Variants in SORBS2 observed in about 807,000 individuals in gnomAD.
The protein encoded by SORBS2 is sorbin and SH3 domain-containing protein 2.
Under a neutral mutation model 97.7 loss-of-function variants are expected in SORBS2, and 46 were observed. That is an observed-to-expected ratio of 0.47 (90% confidence interval 0.37 to 0.60). The LOEUF (loss-of-function observed/expected upper bound fraction) is 0.60. Ranked by LOEUF, SORBS2 falls within the 20% of genes least tolerant of loss-of-function variation. SORBS2 has a pLI of 0.00. For missense variants in SORBS2, 1,316 were observed against 1,282.3 expected (o/e 1.03, Z -0.40); for synonymous variants, 476 against 473.4 (o/e 1.01, Z -0.07).
At chr4:185,836,951 G>C (rs899635206) in intron 1 of SORBS2, among the ~76,000 whole-genome samples, 1 of 152,232 alleles carries the variant, frequency 6.6e-6, no homozygotes, top group East Asian at 1.9e-4. Flanking sequence ...AAGCTGCCTC[G>C]AATTCTAAAG....
chr4:185,607,726 G>A lies in SORBS2; in HGVS notation c.2796+4054C>T, dbSNP rs985966317. On this transcript the variant is annotated intron_variant, in intron 12 of 14. Coordinates refer to ENST00000418609, the Ensembl canonical transcript of SORBS2. This position sits in a 1 kb window ranked among gnomAD's most constrained non-coding sequence, Gnocchi z 5.2. ...AAAAATTTTTTAGAGATGGAGTCTC[G>A]CTGTGGCACCCAGGCTGGAGTGCAG... Among the ~76,000 whole-genome samples the A allele has an allele frequency of 6.6e-6, 1 of 151,934 alleles. No homozygotes were observed. Among genetic ancestry groups the A allele is most frequent in the Admixed American group, 6.6e-5 (1 of 15,248 alleles).
intron 14 of SORBS2, 179 bp from the exon 27 acceptor site, chr4:185,587,867 T>A: frequency 9.2e-6 from 5 of 545,180 alleles, no homozygotes; most frequent in African/African-American, 1.9e-5. Context: ...GTTAGCTGGT[T>A]GCCTGACGCT....
At chr4:185,643,661 G>A (rs1463897298) in intron 4 of SORBS2, among the ~76,000 whole-genome samples, 1 of 152,152 alleles carries the variant, frequency 6.6e-6, no homozygotes, top group East Asian at 1.9e-4. Context: ...GTCCACTGCA[G>A]GAGAGGGGAA....
intron 1 of SORBS2, among the ~76,000 whole-genome samples, chr4:185,820,811 G>A (rs907279662): frequency 1.3e-5 from 2 of 152,226 alleles, no homozygotes; most frequent in African/African-American, 4.8e-5. Flanking sequence ...ATAAACTGCA[G>A]GACGGCAGAG....
chr4:185,735,954 C>T (rs2098683395), intron 2 of SORBS2, among the ~76,000 whole-genome samples: 1 of 152,194 alleles, frequency 6.6e-6, no homozygotes, highest in Non-Finnish European at 1.5e-5. Flanking sequence ...TTACAGCAAG[C>T]TCTTTTCCAA....
intron 1 of SORBS2, among the ~76,000 whole-genome samples, chr4:185,938,389 TACACACACACACACACACAC>T (rs34337257): frequency 1.0e-4 from 14 of 136,440 alleles, no homozygotes; most frequent in African/African-American, 3.1e-4. Context: ...TGTAGACACA[TACACACACACACACACACAC>T]ACACACACAC....
intron 2 of SORBS2, among the ~76,000 whole-genome samples, chr4:185,766,852 C>T (rs1252109296): frequency 2.0e-5 from 3 of 152,188 alleles, no homozygotes; most frequent in Admixed American, 6.5e-5. Context: ...ACATGCTGTA[C>T]GTGTGTTTTT....
At chr4:185,723,322 T>C (rs532079318) in intron 2 of SORBS2, among the ~76,000 whole-genome samples, 1 of 152,292 alleles carries the variant, frequency 6.6e-6, no homozygotes, top group African/African-American at 2.4e-5. Context: ...TTAAGAACTT[T>C]GAAAACAGTT....
chr4:185,819,972 GATA>G lies in SORBS2; in HGVS notation c.-337-44609_-337-44607del, dbSNP rs567678893. ...CTTCTGTTTCCTCATAAGAAAGGATGATAATATTATCTAATTCTGAGGGCGGTT... is the reference window on the plus strand; with the variant it reads ...CTTCTGTTTCCTCATAAGAAAGGATGATATTATCTAATTCTGAGGGCGGTT... On this transcript the variant is annotated intron_variant, in intron 1 of 20. Transcript: ENST00000284776. Among the ~76,000 whole-genome samples, 419 of 152,310 alleles carry G rather than the reference GATA, an allele frequency of 2.8e-3. 1 individual carries two copies. The highest frequency in any genetic ancestry group is 8.3e-3 in the African/African-American group (346 of 41,552).
At chr4:185,678,946 G>A (rs527294465) in intron 2 of SORBS2, 124 bp from the exon 6 acceptor site, 2 of 488,650 alleles carry the variant, frequency 4.1e-6, no homozygotes, top group South Asian at 1.1e-4. Context: ...TTAAAATCTG[G>A]GTATGTCAAA....
intron 2 of SORBS2, among the ~76,000 whole-genome samples, chr4:185,703,492 A>C (rs952879854): frequency 1.3e-5 from 2 of 152,222 alleles, no homozygotes; most frequent in Non-Finnish European, 2.9e-5. Context: ...AGGAAAAAAA[A>C]CTAAAAGATC....
At chr4:185,825,708 G>A (rs771765159) in intron 1 of SORBS2, among the ~76,000 whole-genome samples, 2 of 152,120 alleles carry the variant, frequency 1.3e-5, no homozygotes, top group Non-Finnish European at 2.9e-5. Context: ...TGGGAGGGGA[G>A]AAAACATTAT....
chr4:185,647,853 TAGG>T (rs2097239365), intron 3 of SORBS2, among the ~76,000 whole-genome samples: 1 of 152,218 alleles, frequency 6.6e-6, no homozygotes, highest in Admixed American at 6.5e-5. Flanking sequence ...TGGAATTTTT[TAGG>T]AGGTTATCAT....
chr4:185,874,632 C>T (rs2099232308), intron 1 of SORBS2, among the ~76,000 whole-genome samples: 1 of 152,170 alleles, frequency 6.6e-6, no homozygotes, highest in Admixed American at 6.5e-5. Context: ...ACACACATTC[C>T]ATTCTCTACT....
At chr4:185,789,907 T>C (rs145170079) in intron 1 of SORBS2, among the ~76,000 whole-genome samples, 1 of 152,232 alleles carries the variant, frequency 6.6e-6, no homozygotes, top group Non-Finnish European at 1.5e-5. Context: ...AGTTTCTTCC[T>C]ACCTATATAA....
intron 1 of SORBS2, among the ~76,000 whole-genome samples, chr4:185,899,004 T>C (rs1314855255): frequency 6.6e-6 from 1 of 152,092 alleles, no homozygotes; most frequent in Non-Finnish European, 1.5e-5. Context: ...TTTAAGCTCA[T>C]ACTTCAAGCA....
At chr4:185,817,131 C>CAGG (rs1164373914) in intron 1 of SORBS2, among the ~76,000 whole-genome samples, 1 of 151,920 alleles carries the variant, frequency 6.6e-6, no homozygotes, top group African/African-American at 2.4e-5. Context: ...CAGCAGCTTA[C>CAGG]AGGAACTACT....
chr4:185,936,270 G>A (rs1230330804), intron 1 of SORBS2, among the ~76,000 whole-genome samples: 2 of 152,198 alleles, frequency 1.3e-5, no homozygotes, highest in East Asian at 3.8e-4. Flanking sequence ...AAGGCACATG[G>A]TTTATCCTGG....
chr4:185,802,730 T>C (rs2099136514), intron 1 of SORBS2, among the ~76,000 whole-genome samples: 1 of 152,204 alleles, frequency 6.6e-6, no homozygotes, highest in Admixed American at 6.5e-5. Context: ...TGGGCAGATA[T>C]AGTTTTTTGG....
Sources: gnomAD v4.1 joint callset for allele counts (sites outside exome capture counted in the v4.1 genomes callset) on GRCh38, gnomAD v4.1.1 for gene constraint, Gnocchi (gnomAD v3.1) non-coding constraint, MANE v1.5 for transcripts, NCBI Gene and HGNC (gene_info 2026-07-23, HGNC 2026-07-21) for gene names.